The following ATP6V1C1 variants were observed in gnomAD, a reference collection of about 807,000 sequenced individuals.
ATP6V1C1 encodes ATPase H+ transporting V1 subunit C1.
In ATP6V1C1, 45 loss-of-function variants were observed where a neutral mutation model predicts 53.9. That is an observed-to-expected ratio of 0.83 (90% CI 0.66 to 1.07). The LOEUF (loss-of-function observed/expected upper bound fraction) is 1.07, where lower values mean the gene tolerates loss of function less well. Ranked by LOEUF, ATP6V1C1 falls within the 50% of genes least tolerant of loss-of-function variation. The pLI is 0.00. For missense variants in ATP6V1C1, 315 were observed against 440.3 expected (o/e 0.72, Z 2.55); for synonymous variants, 153 against 155.2 (o/e 0.99, Z 0.11).
At chr8:103,029,248 TCTTC>T (rs1286969087) in intron 1 of ATP6V1C1, among the ~76,000 whole-genome samples, 7 of 151,776 alleles carry the variant, frequency 4.6e-5, no homozygotes, top group Admixed American at 1.3e-4. Context: ...TTTTGTTCTT[TCTTC>T]CTTCCTTCCT....
At chr8:103,025,176 G>A (rs961018530) in intron 1 of ATP6V1C1, among the ~76,000 whole-genome samples, 8 of 152,216 alleles carry the variant, frequency 5.3e-5, no homozygotes, top group African/African-American at 1.9e-4. Context: ...ATAGGAAGTT[G>A]TAAATTAAGG....
intron 1 of ATP6V1C1, among the ~76,000 whole-genome samples, chr8:103,022,885 A>C (rs893802542): frequency 5.3e-5 from 8 of 151,992 alleles, no homozygotes; most frequent in African/African-American, 1.9e-4. Flanking sequence ...CACCGTCTCT[A>C]CCAAAAATAA....
chr8:103,062,897 T>G, intron 8 of ATP6V1C1, 58 bp from the exon 9 acceptor site: 1 of 1,504,838 alleles, frequency 6.6e-7, no homozygotes, highest in Non-Finnish European at 9.2e-7. Flanking sequence ...ATTTTGCCCT[T>G]AATATGAAAG....
rs77452392 is a variant in ATP6V1C1 at position 103,051,475 on chromosome 8, C to T, written c.381+331C>T. 2.2e-4 allele frequency among the ~76,000 whole-genome samples: 34 copies of T among 152,172 alleles called. 1 individual carries two copies. The East Asian group carries it at 6.6e-3, about 29-fold the overall frequency. On this transcript the variant is annotated intron_variant, in intron 5 of 12. Coordinates refer to ENST00000518738, the MANE Select transcript of ATP6V1C1 (RefSeq NM_001695.5). ...TTGGAGTCTATTAAGATTTCTTAGT[C>T]ATTCAGGTAGGTGATAGTAGTCACT...
Position 103,051,041 on chromosome 8 carries a change from T to C in ATP6V1C1, c.287-9T>C. The C allele has an allele frequency of 6.4e-7, 1 of 1,559,156 alleles. No individual in the cohort carries two copies. The highest frequency in any genetic ancestry group is 8.8e-7 in the Non-Finnish European group (1 of 1,133,118). The stretch of plus-strand genomic sequence containing the variant: ...TTTCTTCAGTAATTAATTTATTCCC[T>C]TATTTCAGTGGACTTGGTTACTTAT... On this transcript the variant is annotated splice_polypyrimidine_tract_variant and intron_variant, in intron 4 of 12. Coordinates refer to ENST00000518738, the MANE Select transcript of ATP6V1C1 (RefSeq NM_001695.5).
chr8:103,033,682 A>G (rs1389790513), intron 1 of ATP6V1C1, among the ~76,000 whole-genome samples: 1 of 152,230 alleles, frequency 6.6e-6, no homozygotes, highest in African/African-American at 2.4e-5. Flanking sequence ...GTCATATGAT[A>G]TATAATGAGA....
chr8:103,045,065 A>G (rs1384586410), intron 3 of ATP6V1C1, among the ~76,000 whole-genome samples: 2 of 152,192 alleles, frequency 1.3e-5, no homozygotes, highest in African/African-American at 4.8e-5. Context: ...GGATACAAAG[A>G]TTTTATTTTA....
intron 1 of ATP6V1C1, among the ~76,000 whole-genome samples, chr8:103,023,642 C>T (rs1321204275): frequency 6.6e-6 from 1 of 152,116 alleles, no homozygotes; most frequent in Non-Finnish European, 1.5e-5. Flanking sequence ...AATATAGTTA[C>T]AGGGAGGGAT....
chr8:103,046,776 T>C (rs1817103998), intron 3 of ATP6V1C1, among the ~76,000 whole-genome samples: 1 of 152,198 alleles, frequency 6.6e-6, no homozygotes, highest in Non-Finnish European at 1.5e-5. Context: ...ATATGGTATA[T>C]GTGGTAAATC....
At chr8:103,032,012 C>A (rs200182372) in intron 1 of ATP6V1C1, among the ~76,000 whole-genome samples, 5,491 of 84,014 alleles carry the variant, frequency 0.065, 337 homozygotes, top group African/African-American at 0.16. Flanking sequence ...AAAAAAAAAA[C>A]AAAAAACAAA....
intron 2 of ATP6V1C1, among the ~76,000 whole-genome samples, 200 bp from the exon 3 acceptor site, chr8:103,042,140 A>G (rs1817011807): frequency 6.6e-6 from 1 of 152,246 alleles, no homozygotes; most frequent in East Asian, 1.9e-4. Flanking sequence ...AGTGGTGCTT[A>G]TAACCATGAA....
chr8:103,023,910 G>C (rs1001360583), intron 1 of ATP6V1C1, among the ~76,000 whole-genome samples: 3 of 151,610 alleles, frequency 2.0e-5, no homozygotes, highest in South Asian at 2.1e-4. Flanking sequence ...TTTTTTGGGG[G>C]GGGGGAACTT....
chr8:103,061,903 C>G (rs1211088095), intron 8 of ATP6V1C1, among the ~76,000 whole-genome samples: 1 of 152,102 alleles, frequency 6.6e-6, no homozygotes, highest in East Asian at 1.9e-4. Context: ...TTCTGAAAGC[C>G]AAATTTGGAC....
chr8:103,061,861 A>G (rs1361091249), intron 8 of ATP6V1C1, among the ~76,000 whole-genome samples: 2 of 152,222 alleles, frequency 1.3e-5, no homozygotes, highest in African/African-American at 4.8e-5. Flanking sequence ...ACCTCACATA[A>G]GGACTTCTAT....
intron 8 of ATP6V1C1, among the ~76,000 whole-genome samples, chr8:103,061,664 G>C (rs1817400437): frequency 6.6e-6 from 1 of 152,156 alleles, no homozygotes; most frequent in Non-Finnish European, 1.5e-5. Context: ...CCACACTTCA[G>C]ATTATAGACA....
At chr8:103,045,194 A>G (rs1276422439) in intron 3 of ATP6V1C1, among the ~76,000 whole-genome samples, 2 of 152,216 alleles carry the variant, frequency 1.3e-5, no homozygotes, top group East Asian at 3.8e-4. Context: ...TTTTTCTTGA[A>G]ATCTATCCAG....
Position 103,041,992 on chromosome 8 carries a change from A to G in ATP6V1C1, c.133-348A>G, listed in dbSNP as rs73290387. Reference sequence around the variant, plus strand: ...TCACTTATGCACAGTTTTGCATGCAAATTTAATTACAGACCCTCTAGCGCA... The same window carrying G: ...TCACTTATGCACAGTTTTGCATGCAGATTTAATTACAGACCCTCTAGCGCA... On this transcript the variant is annotated intron_variant, in intron 2 of 12. Transcript: ENST00000518738. Among the ~76,000 whole-genome samples the G allele has an allele frequency of 5.5e-3, 838 of 152,322 alleles. 11 individuals are homozygous for G. The highest frequency in any genetic ancestry group is 0.031 in the Middle Eastern group (9 of 294).
chr8:103,071,445 C>A lies in ATP6V1C1; in HGVS notation c.*2698C>A, dbSNP rs1817585478. 1 of 152,070 alleles carries A rather than the reference C, an allele frequency of 6.6e-6. No individual in the cohort carries two copies. Among genetic ancestry groups the A allele is most frequent in the Admixed American group, 6.6e-5 (1 of 15,264 alleles). 9.4% of individuals were successfully genotyped at this position (152,070 alleles called of 1,614,324 possible). ...AATCTTGAGCCAGTCAGAATTTGAA[C>A]CTAAGATTTTTGACTGCTGGTTGTC... On this transcript the variant is annotated 3_prime_UTR_variant, in exon 13 of 13. Transcript: ENST00000518738.
intron 7 of ATP6V1C1, among the ~76,000 whole-genome samples, chr8:103,054,693 A>G (rs1817258342): frequency 6.6e-6 from 1 of 152,112 alleles, no homozygotes; most frequent in Non-Finnish European, 1.5e-5. Flanking sequence ...ACCTTTGGGT[A>G]CTTGTAGGAA....
Sources: allele counts gnomAD v4.1 joint callset (sites outside exome capture counted in the v4.1 genomes callset), GRCh38; gene constraint gnomAD v4.1.1; transcripts MANE v1.5; gene names NCBI Gene and HGNC (gene_info 2026-07-23, HGNC 2026-07-21).